The following SNX4 variants were observed in gnomAD, a reference collection of about 807,000 sequenced individuals.
SNX4 encodes sorting nexin 4.
SNX4 carries 49 observed loss-of-function variants against 70.8 expected under a neutral mutation model. The observed-to-expected ratio is 0.69, with a 90% CI of 0.55 to 0.88. The LOEUF is 0.88. Ranked by LOEUF, SNX4 falls within the 40% of genes least tolerant of loss-of-function variation. The pLI, the probability that SNX4 is intolerant of heterozygous loss-of-function variation, is 0.00. For synonymous variants in SNX4, 206 were observed against 183.8 expected (o/e 1.12, Z -0.98); for missense variants, 528 against 544.8 (o/e 0.97, Z 0.31).
chr3:125,452,418 A>C (rs1399069566), intron 12 of SNX4, among the ~76,000 whole-genome samples: 1 of 151,946 alleles, frequency 6.6e-6, no homozygotes, highest in Admixed American at 6.6e-5. Context: ...TTTAAATCAC[A>C]ACCAAAGTTT....
In SNX4 at chr3:125,490,514, A is replaced by C. The variant is rs563345410; in HGVS notation, c.598-1051T>G. On this transcript the variant is annotated intron_variant, in intron 5 of 13. Transcript: ENST00000251775. ...ACTCCAGCCTGGGCGACAGAGTGAG[A>C]CTCTGTCTCCAAAAAAAAAAAAAAA... Among the ~76,000 whole-genome samples, 21 of 129,826 alleles carry C rather than the reference A, an allele frequency of 1.6e-4. 1 individual carries two copies. The South Asian group carries it at 2.7e-3, about 17-fold the overall frequency. The allele number at this position is 129,826 out of a possible 152,430, so 85.2% of individuals were successfully genotyped here. A position where few individuals can be genotyped will look rare whatever the true frequency, so the allele number is the denominator to read the frequency against.
intron 5 of SNX4, among the ~76,000 whole-genome samples, chr3:125,492,914 G>C (rs1033087041): frequency 6.6e-6 from 1 of 152,104 alleles, no homozygotes; most frequent in Non-Finnish European, 1.5e-5. Context: ...GAAGAGGCAG[G>C]GTCCAGGGTT....
chr3:125,486,836 A>G (rs1934544044), intron 6 of SNX4, among the ~76,000 whole-genome samples: 1 of 152,130 alleles, frequency 6.6e-6, no homozygotes, highest in Non-Finnish European at 1.5e-5. Context: ...AGGATTGTTG[A>G]GCCCAGCAGT....
chr3:125,504,630 C>G lies in SNX4; in HGVS notation c.256G>C (p.Glu86Gln). 8.1e-6 allele frequency: 13 copies of G among 1,609,630 alleles called. No individual in the cohort carries two copies. The highest frequency in any genetic ancestry group is 1.1e-5 in the Non-Finnish European group (13 of 1,178,380). Residue 86 changes from glutamate (E) to glutamine (Q), a missense_variant, in exon 2 of 14, where the codon GAA becomes CAA. Glu to Gln is a conservative substitution (Grantham distance 29). Around this residue, in one of 3 missense-constraint regions of SNX4, gnomAD observed 341 missense variants for 312.2 expected, o/e 1.09. Coordinates refer to ENST00000251775, the MANE Select transcript of SNX4 (RefSeq NM_003794.4). ...GTAATTTCTGTTACCCACCTTGTTT[C>G]AATGAGGTAAGCAGTATATGTTTCT... ...MQETYTAYLI[E>Q]TRSVEHTDGQ...
Position 125,503,151 on chromosome 3 carries a change from C to A in SNX4, c.263+1472G>T, listed in dbSNP as rs185976900. On this transcript the variant is annotated intron_variant, in intron 2 of 13. Transcript: ENST00000251775. The stretch of plus-strand genomic sequence containing the variant: ...CAAACTCCTGACCTCAGGTGATCTG[C>A]CTGCCTTGGCCTCCCAAAGTGCGGA... Among the ~76,000 whole-genome samples the A allele has an allele frequency of 3.8e-4, 58 of 152,216 alleles. 1 individual carries two copies. In the East Asian group the frequency reaches 0.011, roughly 29 times the overall value.
At chr3:125,518,537 C>T (rs978133416) in intron 1 of SNX4, among the ~76,000 whole-genome samples, 1 of 152,144 alleles carries the variant, frequency 6.6e-6, no homozygotes, top group Non-Finnish European at 1.5e-5. Context: ...GCAGGCAAAA[C>T]TTTCAAATCC....
At chr3:125,465,918 A>G (rs1225935627) in intron 9 of SNX4, among the ~76,000 whole-genome samples, 1 of 151,968 alleles carries the variant, frequency 6.6e-6, no homozygotes, top group Non-Finnish European at 1.5e-5. Flanking sequence ...GCTGAGATTA[A>G]AAGTGTGAGC....
intron 9 of SNX4, among the ~76,000 whole-genome samples, chr3:125,466,188 T>C (rs1156279441): frequency 6.6e-6 from 1 of 151,848 alleles, no homozygotes; most frequent in East Asian, 1.9e-4. Context: ...TAGTATATAA[T>C]AGATTTTTAG....
At chr3:125,497,234 G>A (rs1051005533) in intron 5 of SNX4, 107 bp downstream of exon 5, 7 of 639,100 alleles carry the variant, frequency 1.1e-5, no homozygotes, top group African/African-American at 7.6e-5. Context: ...ATTGTAAGAC[G>A]ATTTCCAACA....
chr3:125,464,377 T>G (rs1394348187), intron 9 of SNX4, among the ~76,000 whole-genome samples: 2 of 152,088 alleles, frequency 1.3e-5, no homozygotes, highest in Non-Finnish European at 2.9e-5. Context: ...TAAGCTATAC[T>G]TTTACCTTTT....
chr3:125,457,513 C>T (rs943372855), intron 10 of SNX4, 148 bp from the exon 11 acceptor site: 1 of 472,454 alleles, frequency 2.1e-6, no homozygotes, highest in Non-Finnish European at 3.9e-6. Context: ...AGTAGCCCAA[C>T]ATTAAAAATG....
chr3:125,448,242 A>G (rs1579966560), intron 13 of SNX4, among the ~76,000 whole-genome samples: 1 of 150,672 alleles, frequency 6.6e-6, no homozygotes, highest in East Asian at 1.9e-4. Flanking sequence ...CTCCCACCTC[A>G]GCCTGCCAAG....
At position 125,447,191 on chromosome 3, in the gene SNX4, G is replaced by C. The variant is rs2333223; in HGVS notation, c.*588C>G. 0.16 allele frequency: 25,169 copies of C among 152,552 alleles called. 2,250 individuals are homozygous for C. Among genetic ancestry groups the C allele is most frequent in the African/African-American group, 0.23 (9,441 of 41,466 alleles). 9.4% of individuals were successfully genotyped at this position (152,552 alleles called of 1,614,324 possible). A position where few individuals can be genotyped will look rare whatever the true frequency, so the allele number is the denominator to read the frequency against. On this transcript the variant is annotated 3_prime_UTR_variant, in exon 14 of 14. Coordinates refer to ENST00000251775, the MANE Select transcript of SNX4 (RefSeq NM_003794.4). ...TCTTTGTTGGCAGTATAAAATTTCT[G>C]ACCAGTATCAAAATTCTGGTAAAAC...
At chr3:125,462,813 A>G (rs1168509886) in intron 9 of SNX4, among the ~76,000 whole-genome samples, 1 of 152,196 alleles carries the variant, frequency 6.6e-6, no homozygotes, top group Non-Finnish European at 1.5e-5. Flanking sequence ...ATTGGAGGTT[A>G]GCCCAGGAGG....
chr3:125,474,507 G>A (rs749680410), intron 8 of SNX4, among the ~76,000 whole-genome samples: 6 of 151,942 alleles, frequency 3.9e-5, no homozygotes, highest in Non-Finnish European at 8.8e-5. Flanking sequence ...GTAGAGATGG[G>A]GTCTTGCTAT....
intron 6 of SNX4, among the ~76,000 whole-genome samples, chr3:125,488,725 C>T (rs916710534): frequency 1.3e-5 from 2 of 152,124 alleles, no homozygotes; most frequent in Non-Finnish European, 2.9e-5. Context: ...GAAATTCTAA[C>T]AGATCTCATA....
chr3:125,449,180 T>C (rs575955513), intron 13 of SNX4: 2 of 151,850 alleles, frequency 1.3e-5, no homozygotes, highest in African/African-American at 4.8e-5. Context: ...TCCCAGCACT[T>C]TGGGAGGTGG....
At chr3:125,515,781 C>T (rs1306464340) in intron 1 of SNX4, among the ~76,000 whole-genome samples, 1 of 151,792 alleles carries the variant, frequency 6.6e-6, no homozygotes, top group Non-Finnish European at 1.5e-5. Context: ...GGTGCTGTGG[C>T]TCACTCTTGT....
In SNX4 at chr3:125,451,311, G is replaced by C; in HGVS notation, c.1299C>G (p.Cys433Trp). The C allele has an allele frequency of 6.2e-7, 1 of 1,606,552 alleles. No individual in the cohort carries two copies. Among genetic ancestry groups the C allele is most frequent in the Non-Finnish European group, 8.5e-7 (1 of 1,174,950 alleles). Residue 433 changes from cysteine to tryptophan, a missense_variant, in exon 13 of 14, where the codon TGC becomes TGG. Physicochemically the swap from Cys to Trp is radical, Grantham distance 215. This residue lies in a region of SNX4 where 159 missense variants were observed against 172.6 expected (regional missense o/e 0.92). Coordinates refer to ENST00000251775, the MANE Select transcript of SNX4 (RefSeq NM_003794.4). Reference protein sequence around the residue: ...ISYAVMQISMCKKGIQVWTNA... With the variant: ...ISYAVMQISMWKKGIQVWTNA... ...GAAACAGGAAAAACCCTACCTTTTT[G>C]CACATACTGATCTGCATGACTGCAT...
Sources: gnomAD v4.1 joint callset for allele counts (sites outside exome capture counted in the v4.1 genomes callset) on GRCh38, gnomAD v4.1.1 for gene constraint, gnomAD v4.1.1 regional missense constraint, MANE v1.5 for transcripts, NCBI Gene and HGNC (gene_info 2026-07-23, HGNC 2026-07-21) for gene names.